The following RNF157 variants were observed in gnomAD, a reference collection of about 807,000 sequenced individuals.
The protein encoded by RNF157 is E3 ubiquitin ligase RNF157.
Under a neutral mutation model 88.3 loss-of-function variants are expected in RNF157, and 55 were observed. The observed-to-expected ratio is 0.62, with a 90% CI of 0.50 to 0.78. RNF157 has a LOEUF of 0.78. Ranked by LOEUF, RNF157 falls within the 30% of genes least tolerant of loss-of-function variation. The pLI is 0.00. For synonymous variants in RNF157, 334 were observed against 341.2 expected (o/e 0.98, Z 0.23); for missense variants, 788 against 860.8 (o/e 0.92, Z 1.06).
At chr17:76,182,938 A>G (rs1427257222) in intron 2 of RNF157, among the ~76,000 whole-genome samples, 2 of 151,058 alleles carry the variant, frequency 1.3e-5, no homozygotes, top group Non-Finnish European at 2.9e-5. Flanking sequence ...TTGATATTGT[A>G]TACTTCTGTT....
intron 2 of RNF157, among the ~76,000 whole-genome samples, chr17:76,208,243 A>G (rs534112169): frequency 2.6e-5 from 3 of 115,964 alleles, no homozygotes; most frequent in Non-Finnish European, 3.9e-5. Flanking sequence ...TCAGATACCA[A>G]TATTTCAGAA....
intron 3 of RNF157, among the ~76,000 whole-genome samples, chr17:76,168,146 T>A (rs1486665266): frequency 6.6e-6 from 1 of 152,216 alleles, no homozygotes; most frequent in African/African-American, 2.4e-5. Flanking sequence ...TTAGTGATCA[T>A]TTTGGCATTT....
Position 76,232,844 on chromosome 17 carries a change from C to G in RNF157, c.88+7309G>C, listed in dbSNP as rs73364513. Among the ~76,000 whole-genome samples the G allele has an allele frequency of 6.6e-3, 1,000 of 152,284 alleles. 12 individuals are homozygous for G. Among genetic ancestry groups the G allele is most frequent in the African/African-American group, 0.022 (927 of 41,548 alleles). On this transcript the variant is annotated intron_variant, in intron 1 of 18. Coordinates refer to ENST00000269391, the MANE Select transcript of RNF157 (RefSeq NM_052916.3). ...AGTTTTAATTATATTTCCCTAATGGCTGCTGATGTTGAGTATCTTTCCATG... is the reference window on the plus strand; with the variant it reads ...AGTTTTAATTATATTTCCCTAATGGGTGCTGATGTTGAGTATCTTTCCATG...
chr17:76,195,718 G>A lies in RNF157; in HGVS notation c.207+16646C>T, dbSNP rs1237273266. The stretch of plus-strand genomic sequence containing the variant: ...ATGAACCGTACACAGCACAGGAATA[G>A]TTTGTTCCTTCTCGTTGCTGTACGC... On this transcript the variant is annotated intron_variant, in intron 2 of 18. Transcript: ENST00000269391. The surrounding 1 kb of genome is among the most constrained non-coding windows in gnomAD (Gnocchi z 4.4). Among the ~76,000 whole-genome samples the A allele has an allele frequency of 6.6e-6, 1 of 152,242 alleles. No individual in the cohort carries two copies. Among genetic ancestry groups the A allele is most frequent in the African/African-American group, 2.4e-5 (1 of 41,474 alleles).
chr17:76,152,554 C>T (rs558779945), intron 17 of RNF157, 89 bp from the exon 18 acceptor site: 1 of 735,236 alleles, frequency 1.4e-6, no homozygotes, highest in East Asian at 2.6e-5. Flanking sequence ...AGGATGGAGA[C>T]AAAAAAAATC....
chr17:76,175,817 C>T (rs1418990662), intron 2 of RNF157: 1 of 982,724 alleles, frequency 1.0e-6, no homozygotes. Flanking sequence ...CCACTCCCTG[C>T]CGCAAAAGAG....
At chr17:76,210,381 C>G (rs1568065613) in intron 2 of RNF157, among the ~76,000 whole-genome samples, 5 of 151,390 alleles carry the variant, frequency 3.3e-5, no homozygotes, top group Admixed American at 1.3e-4. Flanking sequence ...ATCACGAGGT[C>G]AGATCGAGAC....
At position 76,168,915 on chromosome 17, in the gene RNF157, C is replaced by T. The variant is rs190617148; in HGVS notation, c.297-1118G>A. 2.6e-5 allele frequency among the ~76,000 whole-genome samples: 4 copies of T among 152,330 alleles called. No homozygotes were observed. In the East Asian group the frequency reaches 7.7e-4, roughly 29 times the overall value. ...AGCCTTTTCACTGCCTTATTTTTCA[C>T]CTCCCAGCGTTGCTCCCAAGAAGTC... On this transcript the variant is annotated intron_variant, in intron 3 of 18. Coordinates refer to ENST00000269391, the MANE Select transcript of RNF157 (RefSeq NM_052916.3).
At chr17:76,172,451 CGTG>C (rs1044308577) in intron 3 of RNF157, among the ~76,000 whole-genome samples, 1 of 151,538 alleles carries the variant, frequency 6.6e-6, no homozygotes, top group African/African-American at 2.4e-5. Context: ...ATTAACCGGG[CGTG>C]GTGATGCATG....
rs113340288 is a variant in RNF157 at position 76,203,720 on chromosome 17, G to A, written c.207+8644C>T. Among the ~76,000 whole-genome samples the A allele has an allele frequency of 7.9e-3, 1,194 of 151,090 alleles. 24 individuals are homozygous for A. Among genetic ancestry groups the A allele is most frequent in the African/African-American group, 0.027 (1,121 of 41,084 alleles). The stretch of plus-strand genomic sequence containing the variant: ...CCCCGCCTCAGCCTCCCAAAGTGCT[G>A]GGATTACAAGCATGACCCACCACGC... On this transcript the variant is annotated intron_variant, in intron 2 of 18. Coordinates refer to ENST00000269391, the MANE Select transcript of RNF157 (RefSeq NM_052916.3).
At chr17:76,208,738 G>A (rs554119670) in intron 2 of RNF157, among the ~76,000 whole-genome samples, 16 of 152,224 alleles carry the variant, frequency 1.1e-4, no homozygotes, top group Non-Finnish European at 2.4e-4. Context: ...TTGGGAGGCC[G>A]AGATGGGCAG....
At chr17:76,189,100 T>A (rs1433058267) in intron 2 of RNF157, among the ~76,000 whole-genome samples, 1 of 152,124 alleles carries the variant, frequency 6.6e-6, no homozygotes, top group Non-Finnish European at 1.5e-5. Flanking sequence ...GAAGGAAACA[T>A]GAGAACCAAA....
At chr17:76,226,665 C>T (rs1426761985) in intron 1 of RNF157, 3 of 1,612,268 alleles carry the variant, frequency 1.9e-6, no homozygotes, top group Admixed American at 1.7e-5. Flanking sequence ...CTGGAGAACC[C>T]ATGAGGTTTG....
chr17:76,220,521 G>C (rs528877387), intron 1 of RNF157, among the ~76,000 whole-genome samples: 15 of 152,182 alleles, frequency 9.9e-5, no homozygotes, highest in Admixed American at 7.2e-4. Context: ...CTGGGTGAGT[G>C]AATAATTAAT....
chr17:76,167,944 T>C (rs2144859765), intron 3 of RNF157, 147 bp from the exon 4 acceptor site: 1 of 781,114 alleles, frequency 1.3e-6, no homozygotes, highest in African/African-American at 1.8e-5. Flanking sequence ...ACAGAGTGCT[T>C]CATGACCCAT....
intron 1 of RNF157, among the ~76,000 whole-genome samples, chr17:76,237,911 C>T (rs1290032009): frequency 6.6e-6 from 1 of 151,980 alleles, no homozygotes; most frequent in Non-Finnish European, 1.5e-5. Context: ...GGTGAAACCC[C>T]ATCTCCACTA....
chr17:76,229,200 T>C (rs1261225397), intron 1 of RNF157, among the ~76,000 whole-genome samples: 1 of 152,182 alleles, frequency 6.6e-6, no homozygotes, highest in Non-Finnish European at 1.5e-5. Flanking sequence ...CTTGTTTCAC[T>C]TTTCACCATA....
rs778986851 is a variant in RNF157 at position 76,167,048 on chromosome 17, G to C, written c.522C>G (p.Pro174=). 2.5e-5 allele frequency: 41 copies of C among 1,612,286 alleles called. No individual in the cohort carries two copies. The South Asian group carries it at 4.4e-4, about 17-fold the overall frequency. Residue 174 remains proline, a synonymous_variant, in exon 5 of 19, where the codon CCC becomes CCG. Coordinates refer to ENST00000269391, the MANE Select transcript of RNF157 (RefSeq NM_052916.3). ...ACTCGGAGGGATCCACGGTGTGGGA[G>C]GGCAGGCAGAACTGCTGACACACTC... ...KRGVCQQFCL[P]SHTVDPSEWA...
At chr17:76,181,598 G>A (rs137922762) in intron 2 of RNF157, among the ~76,000 whole-genome samples, 10 of 152,082 alleles carry the variant, frequency 6.6e-5, no homozygotes, top group Non-Finnish European at 8.8e-5. Flanking sequence ...AAAATATGGC[G>A]ACTTCTTCAC....
Sources: allele counts gnomAD v4.1 joint callset (sites outside exome capture counted in the v4.1 genomes callset), GRCh38; gene constraint gnomAD v4.1.1; non-coding constraint Gnocchi (gnomAD v3.1); transcripts MANE v1.5; gene names NCBI Gene and HGNC (gene_info 2026-07-23, HGNC 2026-07-21).